The following COL28A1 variants were observed in gnomAD, a reference collection of about 807,000 sequenced individuals.
COL28A1 encodes the protein collagen alpha-1(XXVIII) chain.
Under a neutral mutation model 150.2 loss-of-function variants are expected in COL28A1, and 161 were observed. That is an observed-to-expected ratio of 1.07 (90% confidence interval 0.94 to 1.22). COL28A1 has a LOEUF of 1.22. Ranked by LOEUF, COL28A1 falls within the 50% of genes most tolerant of loss-of-function variation. COL28A1 has a pLI of 0.00. For missense variants in COL28A1, 1,617 were observed against 1,388.3 expected, an observed-to-expected ratio of 1.16 and a Z score of -2.62; for synonymous variants, 552 against 469.7, an observed-to-expected ratio of 1.18 and a Z score of -2.26.
chr7:7,471,617 G>T (rs1428092446), intron 15 of COL28A1, among the ~76,000 whole-genome samples: 1 of 151,914 alleles, frequency 6.6e-6, no homozygotes. Flanking sequence ...AAAACAGGCT[G>T]GGCATGGTGG....
intron 27 of COL28A1, among the ~76,000 whole-genome samples, chr7:7,410,405 T>G (rs1345129660): frequency 6.6e-6 from 1 of 152,070 alleles, no homozygotes. Context: ...ATTCAAAACT[T>G]GAGGCCTCTC....
intron 30 of COL28A1, 72 bp from the exon 31 acceptor site, chr7:7,375,569 T>A: frequency 1.0e-6 from 1 of 999,716 alleles, no homozygotes; most frequent in South Asian, 2.0e-5. Context: ...ATAAAAGATA[T>A]CTCATTACAA....
At chr7:7,541,515 G>A in the COL28A1 span, among the ~76,000 whole-genome samples, 1 of 152,072 alleles carries the variant, frequency 6.6e-6, no homozygotes, top group Admixed American at 6.5e-5. Context: ...ATTCAGAAAT[G>A]CCAAATACTA....
intron 30 of COL28A1, among the ~76,000 whole-genome samples, chr7:7,377,807 CAAA>C (rs35530896): frequency 7.9e-6 from 1 of 126,318 alleles, no homozygotes; most frequent in Non-Finnish European, 1.6e-5. Context: ...ATAATTCACG[CAAA>C]AAAAAAAAAA....
At chr7:7,506,455 C>A (rs1176829611) in intron 10 of COL28A1, among the ~76,000 whole-genome samples, 1 of 152,190 alleles carries the variant, frequency 6.6e-6, no homozygotes. Flanking sequence ...GAATGACTGC[C>A]TGGCTCTGAC....
At chr7:7,487,347 G>T (rs1779682270) in intron 13 of COL28A1, among the ~76,000 whole-genome samples, 2 of 152,126 alleles carry the variant, frequency 1.3e-5, no homozygotes, top group South Asian at 4.1e-4. Flanking sequence ...GGAGGCAGAG[G>T]TGGGTTCATC....
intron 27 of COL28A1, among the ~76,000 whole-genome samples, chr7:7,395,644 A>C (rs1397432253): frequency 6.6e-6 from 1 of 152,192 alleles, no homozygotes; most frequent in East Asian, 1.9e-4. Context: ...GTTGGTTGAG[A>C]GCACTTGCTG....
At chr7:7,517,419 T>C (rs78624881) in intron 7 of COL28A1, among the ~76,000 whole-genome samples, 1,673 of 152,284 alleles carry the variant, frequency 0.011, 38 homozygotes, top group African/African-American at 0.038. Context: ...GTCTGCAGAA[T>C]TGGATTAACA....
intron 11 of COL28A1, among the ~76,000 whole-genome samples, chr7:7,502,452 T>C (rs1472598060): frequency 6.6e-6 from 1 of 152,168 alleles, no homozygotes; most frequent in South Asian, 2.1e-4. Context: ...TGGCCACCTT[T>C]TCTGAAAACC....
intron 13 of COL28A1, among the ~76,000 whole-genome samples, chr7:7,482,700 C>A (rs1779405688): frequency 6.6e-6 from 1 of 151,934 alleles, no homozygotes; most frequent in Non-Finnish European, 1.5e-5. Flanking sequence ...ATTTCATGTT[C>A]TGGTAATATT....
chr7:7,343,333 A>G, the COL28A1 span, among the ~76,000 whole-genome samples: 1 of 151,932 alleles, frequency 6.6e-6, no homozygotes, highest in Non-Finnish European at 1.5e-5. Context: ...TCAATCTAAA[A>G]TTCCAATTAA....
At chr7:7,418,297 A>T (rs969754013) in intron 26 of COL28A1, among the ~76,000 whole-genome samples, 1 of 152,244 alleles carries the variant, frequency 6.6e-6, no homozygotes, top group African/African-American at 2.4e-5. Context: ...GGCTCCACAT[A>T]GCCTTAAGAT....
chr7:7,433,662 C>T (rs1486717647), intron 23 of COL28A1, among the ~76,000 whole-genome samples: 3 of 148,402 alleles, frequency 2.0e-5, no homozygotes, highest in African/African-American at 4.9e-5. Flanking sequence ...AAAAAGATTA[C>T]CTACAAGTCC....
chr7:7,389,376 AC>A (rs1238148576), intron 27 of COL28A1, among the ~76,000 whole-genome samples: 1 of 152,198 alleles, frequency 6.6e-6, no homozygotes, highest in Non-Finnish European at 1.5e-5. Context: ...TGGTACCAAT[AC>A]CATGCTGTTT....
At chr7:7,436,530 A>G in intron 22 of COL28A1, 67 bp from the exon 23 acceptor site, 2 of 872,036 alleles carry the variant, frequency 2.3e-6, no homozygotes, top group Non-Finnish European at 4.0e-6. Flanking sequence ...ACATAGCAAA[A>G]AAAACCATTG....
chr7:7,457,625 C>A (rs545203249), intron 15 of COL28A1, among the ~76,000 whole-genome samples: 218 of 152,080 alleles, frequency 1.4e-3, no homozygotes, highest in African/African-American at 5.0e-3. Flanking sequence ...AGTGAATTTG[C>A]CAAGTAATAG....
intron 7 of COL28A1, among the ~76,000 whole-genome samples, chr7:7,517,157 C>A (rs991648817): frequency 2.6e-5 from 4 of 151,940 alleles, no homozygotes; most frequent in Non-Finnish European, 5.9e-5. Flanking sequence ...GAAGTTGATT[C>A]AAAATACCAA....
At chr7:7,435,587 C>G (rs1424397131) in intron 23 of COL28A1, among the ~76,000 whole-genome samples, 1 of 152,144 alleles carries the variant, frequency 6.6e-6, no homozygotes, top group African/African-American at 2.4e-5. Context: ...CTCCCTTTAC[C>G]TTTAAAAAGA....
chr7:7,530,324 C>T (rs1782277184), intron 3 of COL28A1, among the ~76,000 whole-genome samples: 1 of 151,972 alleles, frequency 6.6e-6, no homozygotes, highest in African/African-American at 2.4e-5. Flanking sequence ...GGTAAGAAAA[C>T]CTCAGATCTT....
Sources: gnomAD v4.1 joint callset for allele counts (sites outside exome capture counted in the v4.1 genomes callset) on GRCh38, gnomAD v4.1.1 for gene constraint, MANE v1.5 for transcripts, NCBI Gene and HGNC (gene_info 2026-07-23, HGNC 2026-07-21) for gene names.